SWT1: variants seen among roughly 807,000 people sequenced by gnomAD.
The protein encoded by SWT1 is SWT1 RNA endoribonuclease homolog, also known as transcriptional protein SWT1.
A neutral mutation model predicts 107.3 loss-of-function variants in SWT1; 33 were observed. That is an observed-to-expected ratio of 0.31 (90% CI 0.23 to 0.41). The LOEUF is 0.41. Among genes scored for constraint, SWT1 ranks in the 10% least tolerant of loss-of-function variants. The probability of loss-of-function intolerance (pLI) is 1.00; values close to 1 mark genes in which losing one functional copy is unlikely to be tolerated. For synonymous variants in SWT1, 345 were observed against 348.3 expected, an observed-to-expected ratio of 0.99 and a Z score of 0.11; for missense variants, 898 against 1,028.9, an observed-to-expected ratio of 0.87 and a Z score of 1.74.
chr1:185,237,114 T>C (rs544676887), intron 16 of SWT1, among the ~76,000 whole-genome samples: 1 of 151,232 alleles, frequency 6.6e-6, no homozygotes, highest in South Asian at 2.1e-4. Context: ...TGGTGGCAAT[T>C]ATTTCCACCA....
At chr1:185,173,658 A>G (rs1395018927) in intron 4 of SWT1, among the ~76,000 whole-genome samples, 10 of 152,026 alleles carry the variant, frequency 6.6e-5, no homozygotes, top group Non-Finnish European at 1.3e-4. Context: ...GGAGTGAGCC[A>G]AGATCGCGCC....
At chr1:185,263,500 A>T (rs1488227803) in intron 16 of SWT1, 1 of 152,180 alleles carries the variant, frequency 6.6e-6, no homozygotes, top group Non-Finnish European at 1.5e-5. Flanking sequence ...TATATCACAG[A>T]AGAGGCTTGA....
At chr1:185,281,697 CCAGGGTG>C (rs2102770989) in intron 18 of SWT1, 1 of 168,406 alleles carries the variant, frequency 5.9e-6, no homozygotes, top group South Asian at 1.8e-4. Context: ...AGATTGCTAA[CCAGGGTG>C]CAGAGAAGAA....
intron 15 of SWT1, chr1:185,227,079 T>C (rs1660126019): frequency 6.4e-6 from 7 of 1,088,984 alleles, no homozygotes; most frequent in Admixed American, 5.1e-5. Flanking sequence ...ATAGCACATG[T>C]AATCTGCAAC....
intron 4 of SWT1, among the ~76,000 whole-genome samples, chr1:185,172,042 C>T (rs1655118840): frequency 6.6e-6 from 1 of 152,190 alleles, no homozygotes; most frequent in Non-Finnish European, 1.5e-5. Flanking sequence ...AAATGTGTCT[C>T]TCTTGCTGGG....
intron 17 of SWT1, 49 bp from the exon 18 acceptor site, chr1:185,276,555 C>A: frequency 8.9e-7 from 1 of 1,128,306 alleles, no homozygotes; most frequent in Non-Finnish European, 1.3e-6. Context: ...TTGCTGTCAT[C>A]ACTCACTTTA....
intron 18 of SWT1, among the ~76,000 whole-genome samples, chr1:185,287,286 A>G (rs1469212043): frequency 6.6e-6 from 1 of 152,230 alleles, no homozygotes; most frequent in African/African-American, 2.4e-5. Context: ...GATTTGGTCA[A>G]AGCAAATTTG....
chr1:185,223,231 T>C (rs1485679090), intron 15 of SWT1, among the ~76,000 whole-genome samples: 1 of 152,116 alleles, frequency 6.6e-6, no homozygotes. Context: ...TGTTTGTTGG[T>C]TTTTTTGAGG....
chr1:185,247,062 C>T (rs2102629958), intron 16 of SWT1, among the ~76,000 whole-genome samples: 1 of 152,232 alleles, frequency 6.6e-6, no homozygotes, highest in Admixed American at 6.5e-5. Flanking sequence ...ATTATTATTA[C>T]CTTCAGTCCT....
At chr1:185,175,351 C>T (rs1655454647) in intron 5 of SWT1, among the ~76,000 whole-genome samples, 1 of 152,002 alleles carries the variant, frequency 6.6e-6, no homozygotes, top group Non-Finnish European at 1.5e-5. Context: ...CTCAGCCTCC[C>T]TAGTAGCTGG....
rs546858927 is a variant in SWT1, at chr1:185,227,762, C to T, written c.2310-3815C>T. The T allele has an allele frequency of 4.1e-5, 17 of 417,974 alleles. 1 individual carries two copies. The highest frequency in any genetic ancestry group is 2.3e-4 in the South Asian group (12 of 51,430). 25.9% of individuals were successfully genotyped at this position (417,974 alleles called of 1,614,324 possible). On this transcript the variant is annotated intron_variant, in intron 15 of 18. Transcript: ENST00000367500. ...AGACCTGCAGGCCCAGCAGCTCTAG[C>T]GGGGGAGAAAGGCGAGACATTTTTA...
intron 4 of SWT1, among the ~76,000 whole-genome samples, chr1:185,170,161 G>C (rs919199966): frequency 6.6e-6 from 1 of 152,168 alleles, no homozygotes; most frequent in African/African-American, 2.4e-5. Flanking sequence ...GAGCACAACA[G>C]TTTCAGGTGT....
chr1:185,251,804 T>A (rs1662048567), intron 16 of SWT1, among the ~76,000 whole-genome samples: 1 of 151,298 alleles, frequency 6.6e-6, no homozygotes, highest in Non-Finnish European at 1.5e-5. Flanking sequence ...ATATATTTTT[T>A]TTATTATACT....
At chr1:185,157,762 T>C (rs138562773) in intron 1 of SWT1, 2 of 152,474 alleles carry the variant, frequency 1.3e-5, no homozygotes, top group African/African-American at 4.8e-5. Context: ...AATTAGTTGT[T>C]TTGCTCTATT....
At chr1:185,281,580 A>C in intron 18 of SWT1, 1 of 233,482 alleles carries the variant, frequency 4.3e-6, no homozygotes, top group South Asian at 5.8e-5. Flanking sequence ...GTCAGCCCTG[A>C]TGAGTTTGTC....
chr1:185,204,164 G>A (rs1658113284), intron 11 of SWT1, among the ~76,000 whole-genome samples: 1 of 152,102 alleles, frequency 6.6e-6, no homozygotes, highest in Non-Finnish European at 1.5e-5. Context: ...GTTTTTGCCA[G>A]CTACTCGGGG....
At chr1:185,234,844 A>G (rs944272720) in intron 16 of SWT1, among the ~76,000 whole-genome samples, 6 of 152,148 alleles carry the variant, frequency 3.9e-5, no homozygotes, top group Non-Finnish European at 8.8e-5. Flanking sequence ...AGAGAGAAGA[A>G]TCAAATAGAT....
chr1:185,258,316 T>C (rs1417135440), intron 16 of SWT1, among the ~76,000 whole-genome samples: 2 of 152,214 alleles, frequency 1.3e-5, no homozygotes, highest in East Asian at 3.8e-4. Context: ...CATTATATAA[T>C]GTTCCATGTT....
chr1:185,242,838 C>T (rs946625132), intron 16 of SWT1, among the ~76,000 whole-genome samples: 1 of 151,960 alleles, frequency 6.6e-6, no homozygotes, highest in African/African-American at 2.4e-5. Context: ...TATTAAGTCT[C>T]GTTTTAAGAA....
Sources: allele counts gnomAD v4.1 joint callset (sites outside exome capture counted in the v4.1 genomes callset), GRCh38; gene constraint gnomAD v4.1.1; transcripts MANE v1.5; gene names NCBI Gene and HGNC (gene_info 2026-07-23, HGNC 2026-07-21).